Variants in CECR2 observed in about 807,000 individuals in gnomAD.
CECR2 encodes CECR2 histone acetyl-lysine reader.
CECR2 carries 30 observed loss-of-function variants against 154.5 expected under a neutral mutation model. The ratio of observed to expected loss-of-function variants is 0.19; its 90% CI spans 0.15 to 0.26. The LOEUF (loss-of-function observed/expected upper bound fraction) is 0.26, where lower values mean the gene tolerates loss of function less well. CECR2 is among the 10% of genes least tolerant of loss of function. CECR2 has a pLI of 1.00. For synonymous variants in CECR2, 725 were observed against 683.7 expected (o/e 1.06, Z -0.94); for missense variants, 1,743 against 1,829.3 (o/e 0.95, Z 0.86).
intron 9 of CECR2, among the ~76,000 whole-genome samples, chr22:17,530,100 T>C (rs1237644522): frequency 6.6e-6 from 1 of 152,104 alleles, no homozygotes; most frequent in Non-Finnish European, 1.5e-5. Flanking sequence ...AGTTCCTCTG[T>C]CGTATGCTGG....
intron 9 of CECR2, among the ~76,000 whole-genome samples, chr22:17,531,915 T>C (rs1170434237): frequency 6.6e-6 from 1 of 152,168 alleles, no homozygotes; most frequent in African/African-American, 2.4e-5. Flanking sequence ...ATGCCTGTAA[T>C]CCCAGCAGTT....
Position 17,504,922 on chromosome 22 carries a change from G to C in CECR2, c.776G>C (p.Ser259Thr). The C allele has an allele frequency of 6.2e-7, 1 of 1,613,864 alleles. No homozygotes were observed. The change falls in exon 7 of 19, where the codon AGT becomes ACT. Residue 259 changes from serine (S) to threonine (T), a missense_variant. Transcript: ENST00000262608. The stretch of plus-strand genomic sequence containing the variant: ...GAGGAATGGAGACAGGTCACCGAGA[G>C]TTTTCGCGAGAGGACCTCCCTTCGA... The part of the protein sequence containing the change: ...TEEEWRQVTE[S>T]FRERTSLRER...
chr22:17,375,911 C>T (rs1476950425), intron 1 of CECR2, among the ~76,000 whole-genome samples: 3 of 151,066 alleles, frequency 2.0e-5, no homozygotes, highest in Middle Eastern at 3.2e-3. Context: ...GCTGAGATCG[C>T]GCCATTGCAC....
intron 1 of CECR2, among the ~76,000 whole-genome samples, chr22:17,433,497 G>A (rs981216359): frequency 3.3e-5 from 5 of 152,140 alleles, no homozygotes; most frequent in African/African-American, 1.2e-4. Flanking sequence ...CCAGGCTGGA[G>A]TACAGTGCCT....
At chr22:17,437,250 C>T (rs151235832) in intron 1 of CECR2, among the ~76,000 whole-genome samples, 1 of 152,238 alleles carries the variant, frequency 6.6e-6, no homozygotes, top group Non-Finnish European at 1.5e-5. Context: ...TGCTCCCAGA[C>T]GTCTCCATCT....
At chr22:17,506,071 T>A (rs2055838996) in intron 7 of CECR2, among the ~76,000 whole-genome samples, 1 of 151,794 alleles carries the variant, frequency 6.6e-6, no homozygotes, top group Non-Finnish European at 1.5e-5. Context: ...TGTCCCAAAC[T>A]CCTAGCCTCA....
intron 1 of CECR2, among the ~76,000 whole-genome samples, chr22:17,394,297 G>A (rs922352185): frequency 1.3e-4 from 20 of 150,362 alleles, no homozygotes; most frequent in African/African-American, 4.9e-4. Context: ...TTAAACCCTG[G>A]GCTCAAACAG....
At chr22:17,513,695 A>G (rs2056000939) in intron 8 of CECR2, among the ~76,000 whole-genome samples, 1 of 152,088 alleles carries the variant, frequency 6.6e-6, no homozygotes, top group South Asian at 2.1e-4. Flanking sequence ...GTATTCAGCC[A>G]TGTTCTCAAA....
At chr22:17,489,920 G>A (rs1278794227) in intron 2 of CECR2, among the ~76,000 whole-genome samples, 1 of 142,564 alleles carries the variant, frequency 7.0e-6, no homozygotes, top group Admixed American at 7.0e-5. Flanking sequence ...CTGTTTTTGA[G>A]CCTTTTTTCA....
intron 1 of CECR2, among the ~76,000 whole-genome samples, chr22:17,411,875 A>G (rs997178201): frequency 1.3e-5 from 2 of 152,198 alleles, no homozygotes; most frequent in African/African-American, 2.4e-5. Context: ...AAGGTAATAT[A>G]TAATAAATGT....
intron 9 of CECR2, 46 bp downstream of exon 9, chr22:17,524,317 C>T (rs778972186): frequency 1.3e-6 from 2 of 1,595,442 alleles, no homozygotes. Context: ...TGTCTGTCGA[C>T]CAGCCGTCCT....
chr22:17,527,471 T>TA (rs994275167), intron 9 of CECR2, among the ~76,000 whole-genome samples: 23 of 148,760 alleles, frequency 1.5e-4, no homozygotes, highest in African/African-American at 5.2e-4. Context: ...AAAATAAAAA[T>TA]AAATTAAAAA....
At chr22:17,490,921 T>TA (rs200469277) in intron 2 of CECR2, among the ~76,000 whole-genome samples, 2,517 of 152,334 alleles carry the variant, frequency 0.017, 78 homozygotes, top group African/African-American at 0.058. Context: ...TCACTATTCT[T>TA]ACTGTCTCCA....
intron 1 of CECR2, among the ~76,000 whole-genome samples, chr22:17,454,766 CAA>C (rs1036943176): frequency 1.3e-5 from 2 of 152,198 alleles, no homozygotes; most frequent in Non-Finnish European, 2.9e-5. Context: ...GCAGATTCCA[CAA>C]AGTTTTAATT....
upstream of CECR2, among the ~76,000 whole-genome samples, chr22:17,367,373 A>G (rs184040178): frequency 3.2e-4 from 49 of 152,182 alleles, no homozygotes; most frequent in African/African-American, 1.1e-3. Context: ...GAAACGCAGT[A>G]ACACTTTTTT....
At position 17,454,398 on chromosome 22, in the gene CECR2, G is replaced by A. The variant is rs1385528050; in HGVS notation, c.127-23190G>A. On this transcript the variant is annotated intron_variant, in intron 1 of 18. Coordinates refer to ENST00000262608, the MANE Select transcript of CECR2 (RefSeq NM_001290047.2). ...GGCGGGTGGATCCACGAGGTCAGGA[G>A]ATCAAGACCATCCTGGCTAACACAG... Among the ~76,000 whole-genome samples, 10 of 151,438 alleles carry A rather than the reference G, an allele frequency of 6.6e-5. No homozygotes were observed. The South Asian group carries it at 1.9e-3, about 29-fold the overall frequency.
Position 17,542,936 on chromosome 22 carries a change from G to T in CECR2, c.2793G>T (p.Lys931Asn). The stretch of plus-strand genomic sequence containing the variant: ...TGTCAGTCACTGTGTCAGCCCCCAA[G>T]CCTGCCCTGGGCAACCCTGGGAGGG... The part of the protein sequence containing the change: ...HPMSVTVSAP[K>N]PALGNPGRAP... Residue 931 changes from lysine (K) to asparagine (N), a missense_variant, in exon 16 of 19, where the codon AAG becomes AAT. Physicochemically the swap from Lys to Asn is moderately conservative, Grantham distance 94. This residue lies in a region of CECR2 where 1,250 missense variants were observed against 1,192.1 expected (regional missense o/e 1.05). Transcript: ENST00000262608. The T allele has an allele frequency of 6.2e-7, 1 of 1,613,916 alleles. No individual in the cohort carries two copies. The highest frequency in any genetic ancestry group is 8.5e-7 in the Non-Finnish European group (1 of 1,179,848).
Position 17,378,281 on chromosome 22 carries a change from C to CTGTTTTTT in CECR2, c.126+8396_126+8403dup, listed in dbSNP as rs200487932. The stretch of plus-strand genomic sequence containing the variant: ...TACAGGTGTGAGCCACCGCGCTGGG[C>CTGTTTTTT]TGTTTTTTTGTTTTTTTGTTTTTTT... On this transcript the variant is annotated intron_variant, in intron 1 of 18. Coordinates refer to ENST00000262608, the MANE Select transcript of CECR2 (RefSeq NM_001290047.2). Among the ~76,000 whole-genome samples the CTGTTTTTT allele has an allele frequency of 1.6e-3, 232 of 148,114 alleles. 1 individual carries two copies. The highest frequency in any genetic ancestry group is 2.6e-3 in the Non-Finnish European group (173 of 67,274).
At chr22:17,360,524 A>G (rs571373399) in intron 1 of CECR2, among the ~76,000 whole-genome samples, 2 of 152,184 alleles carry the variant, frequency 1.3e-5, no homozygotes, top group African/African-American at 4.8e-5. Flanking sequence ...TCTACTAAAA[A>G]TACAAAAATT....
Sources: gnomAD v4.1 joint callset for allele counts (sites outside exome capture counted in the v4.1 genomes callset) on GRCh38, gnomAD v4.1.1 for gene constraint, gnomAD v4.1.1 regional missense constraint, MANE v1.5 for transcripts, NCBI Gene and HGNC (gene_info 2026-07-23, HGNC 2026-07-21) for gene names.